The following TRAK2 variants were observed in gnomAD, a reference collection of about 807,000 sequenced individuals.
TRAK2 encodes trafficking kinesin protein 2, also known as trafficking kinesin-binding protein 2.
In TRAK2, 81 loss-of-function variants were observed where a neutral mutation model predicts 104.6. That is an observed-to-expected ratio of 0.77 (90% CI 0.65 to 0.93). The LOEUF (loss-of-function observed/expected upper bound fraction) is 0.93, where lower values mean the gene tolerates loss of function less well. Ranked by LOEUF, TRAK2 falls within the 40% of genes least tolerant of loss-of-function variation. TRAK2 has a pLI of 0.00. For synonymous variants in TRAK2, 406 were observed against 394.4 expected, an observed-to-expected ratio of 1.03 and a Z score of -0.35; for missense variants, 1,002 against 1,089.0, an observed-to-expected ratio of 0.92 and a Z score of 1.12.
intron 1 of TRAK2, among the ~76,000 whole-genome samples, chr2:201,446,190 T>G (rs1271278360): frequency 6.6e-6 from 1 of 151,264 alleles, no homozygotes. Context: ...GCAAACTAGC[T>G]TCTCCATCTT....
intron 1 of TRAK2, among the ~76,000 whole-genome samples, chr2:201,430,128 G>A (rs1951828967): frequency 6.6e-6 from 1 of 152,162 alleles, no homozygotes; most frequent in Non-Finnish European, 1.5e-5. Flanking sequence ...TCACCAGCGG[G>A]GGCTGCAGAA....
chr2:201,430,726 T>C (rs1951835215), intron 1 of TRAK2, among the ~76,000 whole-genome samples: 1 of 152,216 alleles, frequency 6.6e-6, no homozygotes, highest in African/African-American at 2.4e-5. Context: ...GTACCGTCTG[T>C]CATGGCTTCC....
At chr2:201,428,236 C>G (rs1951807760) in intron 1 of TRAK2, among the ~76,000 whole-genome samples, 2 of 152,282 alleles carry the variant, frequency 1.3e-5, no homozygotes, top group South Asian at 4.2e-4. Flanking sequence ...GACATGAAGT[C>G]CTTGCCCATG....
At chr2:201,392,467 T>C (rs1029898195) in intron 10 of TRAK2, among the ~76,000 whole-genome samples, 1 of 152,150 alleles carries the variant, frequency 6.6e-6, no homozygotes. Context: ...ATACCATTTA[T>C]AAATGAATCA....
chr2:201,416,280 C>T (rs1172859884), intron 2 of TRAK2, among the ~76,000 whole-genome samples: 1 of 150,120 alleles, frequency 6.7e-6, no homozygotes, highest in Admixed American at 6.6e-5. Flanking sequence ...TTTGCACATG[C>T]CTGTGGTCCA....
At chr2:201,427,771 A>G (rs1951803215) in intron 1 of TRAK2, among the ~76,000 whole-genome samples, 1 of 152,196 alleles carries the variant, frequency 6.6e-6, no homozygotes, top group South Asian at 2.1e-4. Flanking sequence ...TGGTTGAACT[A>G]GTTTACGCTC....
chr2:201,389,406 T>C lies in TRAK2; in HGVS notation c.1291A>G (p.Asn431Asp). 1 of 1,614,186 alleles carries C rather than the reference T, an allele frequency of 6.2e-7. No homozygotes were observed. Among genetic ancestry groups the C allele is most frequent in the African/African-American group, 1.3e-5 (1 of 75,040 alleles). ...GCTGTCATGATGACACTTGAACGGT[T>C]GGAGCCTGGAATGGGTAACAGAGCT... ...FPALLPIPGS[N>D]RSSVIMTAKP... Residue 431 changes from asparagine to aspartate, a missense_variant, in exon 12 of 16, where the codon AAC (asparagine) becomes GAC (aspartate). By Grantham distance (23) the Asn-to-Asp change is conservative. Coordinates refer to ENST00000332624, the MANE Select transcript of TRAK2 (RefSeq NM_015049.3).
chr2:201,444,902 A>C (rs1331956866), intron 1 of TRAK2, among the ~76,000 whole-genome samples: 1 of 152,138 alleles, frequency 6.6e-6, no homozygotes, highest in Non-Finnish European at 1.5e-5. Flanking sequence ...ATTAACATGC[A>C]CAATTCATCA....
At position 201,380,095 on chromosome 2, in the gene TRAK2, TA is replaced by T. The variant is rs58812220; in HGVS notation, c.*447del. The T allele has an allele frequency of 0.016, 3,076 of 188,050 alleles. 40 individuals carry two copies. The highest frequency in any genetic ancestry group is 0.034 in the South Asian group (300 of 8,942). The allele number at this position is 188,050 out of a possible 1,614,324, so 11.6% of individuals were successfully genotyped here. A position where few individuals can be genotyped will look rare whatever the true frequency, so the allele number is the denominator to read the frequency against. On this transcript the variant is annotated 3_prime_UTR_variant, in exon 16 of 16. Coordinates refer to ENST00000332624, the MANE Select transcript of TRAK2 (RefSeq NM_015049.3). ...TATTGTCTCAGTAATAGACTGAGCT[TA>T]CCCCACCAACCCCTCAGAACGGCTT...
intron 15 of TRAK2, 104 bp from the exon 16 acceptor site, chr2:201,381,322 A>G: frequency 9.3e-7 from 1 of 1,072,736 alleles, no homozygotes; most frequent in Non-Finnish European, 1.3e-6. Context: ...GTAAATATAA[A>G]GTAACAGGCA....
chr2:201,412,446 T>C, intron 2 of TRAK2: 1 of 1,233,654 alleles, frequency 8.1e-7, no homozygotes, highest in East Asian at 2.3e-5. Flanking sequence ...GTGAACTAGA[T>C]CCTAAATAAC....
At chr2:201,412,453 T>C in intron 2 of TRAK2, 1 of 1,199,486 alleles carries the variant, frequency 8.3e-7, no homozygotes, top group South Asian at 1.2e-5. Flanking sequence ...AGATCCTAAA[T>C]AACTCAACTG....
At chr2:201,383,127 T>C (rs1311265019) in intron 15 of TRAK2, among the ~76,000 whole-genome samples, 2 of 152,242 alleles carry the variant, frequency 1.3e-5, no homozygotes, top group Non-Finnish European at 2.9e-5. Flanking sequence ...AGAAATGGCA[T>C]CAATATGGCT....
chr2:201,399,194 A>ATTCAC (rs1327502311), intron 5 of TRAK2, among the ~76,000 whole-genome samples, 183 bp downstream of exon 5: 1 of 152,122 alleles, frequency 6.6e-6, no homozygotes, highest in African/African-American at 2.4e-5. Flanking sequence ...TAGTTACGTG[A>ATTCAC]GTTCTCCTCT....
intron 2 of TRAK2, among the ~76,000 whole-genome samples, chr2:201,414,591 C>A (rs1368429752): frequency 6.6e-6 from 1 of 152,144 alleles, no homozygotes. Flanking sequence ...TTGATCACCA[C>A]AATGAGATAG....
At chr2:201,382,170 T>C (rs892014707) in intron 15 of TRAK2, among the ~76,000 whole-genome samples, 1 of 152,146 alleles carries the variant, frequency 6.6e-6, no homozygotes, top group Non-Finnish European at 1.5e-5. Flanking sequence ...AATGAGAAAA[T>C]TCTTATTCTA....
At chr2:201,408,711 C>A (rs1037337846) in intron 2 of TRAK2, among the ~76,000 whole-genome samples, 4 of 152,142 alleles carry the variant, frequency 2.6e-5, no homozygotes, top group African/African-American at 9.7e-5. Context: ...GAGGTCTGAT[C>A]TCAACTTACA....
At chr2:201,401,270 A>C (rs1263660740) in intron 3 of TRAK2, among the ~76,000 whole-genome samples, 176 bp from the exon 4 acceptor site, 2 of 152,110 alleles carry the variant, frequency 1.3e-5, no homozygotes, top group Non-Finnish European at 2.9e-5. Context: ...ACACTCAAGA[A>C]ATAGTCCAAT....
At chr2:201,413,372 C>T in intron 2 of TRAK2, 1 of 690,348 alleles carries the variant, frequency 1.4e-6, no homozygotes, top group Non-Finnish European at 2.4e-6. Context: ...CAGAACTGGG[C>T]CTCTTTTTCC....
Sources: gnomAD v4.1 joint callset for allele counts (sites outside exome capture counted in the v4.1 genomes callset) on GRCh38, gnomAD v4.1.1 for gene constraint, MANE v1.5 for transcripts, NCBI Gene and HGNC (gene_info 2026-07-23, HGNC 2026-07-21) for gene names.